SNAPC1: variants seen among roughly 807,000 people sequenced by gnomAD.
SNAPC1 encodes small nuclear RNA activating complex polypeptide 1.
In SNAPC1, 42 loss-of-function variants were observed where a neutral mutation model predicts 50.1. The ratio of observed to expected loss-of-function variants is 0.84; its 90% CI spans 0.65 to 1.08. The LOEUF (loss-of-function observed/expected upper bound fraction) is 1.08, where lower values mean the gene tolerates loss of function less well. SNAPC1 is among the 50% of genes least tolerant of loss of function. The probability of loss-of-function intolerance (pLI) is 0.00; values close to 1 mark genes in which losing one functional copy is unlikely to be tolerated. For missense variants in SNAPC1, 477 were observed against 427.3 expected, an observed-to-expected ratio of 1.12 and a Z score of -1.02; for synonymous variants, 164 against 144.2, an observed-to-expected ratio of 1.14 and a Z score of -0.98.
chr14:61,771,201 TTG>T (rs1320009607), intron 4 of SNAPC1, among the ~76,000 whole-genome samples: 2 of 152,232 alleles, frequency 1.3e-5, no homozygotes, highest in African/African-American at 4.8e-5. Flanking sequence ...GGAAAATATT[TTG>T]TGTAGATTGT....
At chr14:61,775,496 C>T (rs1263458823) in intron 4 of SNAPC1, among the ~76,000 whole-genome samples, 3 of 151,972 alleles carry the variant, frequency 2.0e-5, no homozygotes, top group African/African-American at 7.3e-5. Context: ...TCTGGTGATT[C>T]TCCCACCTTG....
chr14:61,773,397 GTTTTTTTT>G (rs58782943), intron 4 of SNAPC1, among the ~76,000 whole-genome samples: 1 of 99,324 alleles, frequency 1.0e-5, no homozygotes, highest in Non-Finnish European at 1.9e-5. Flanking sequence ...TATTTCCTTA[GTTTTTTTT>G]TTTTTTTTTT....
At chr14:61,789,947 G>C (rs1251237559) in intron 8 of SNAPC1, among the ~76,000 whole-genome samples, 1 of 152,154 alleles carries the variant, frequency 6.6e-6, no homozygotes, top group Non-Finnish European at 1.5e-5. Flanking sequence ...AGATTTAGGA[G>C]TAACGAGCGT....
chr14:61,774,933 G>T (rs1033590679), intron 4 of SNAPC1, among the ~76,000 whole-genome samples: 1 of 152,050 alleles, frequency 6.6e-6, no homozygotes, highest in Non-Finnish European at 1.5e-5. Context: ...AGAGTGCTGG[G>T]ATTACAGGAG....
At chr14:61,782,828 C>T (rs1454744232) in intron 8 of SNAPC1, among the ~76,000 whole-genome samples, 1 of 151,920 alleles carries the variant, frequency 6.6e-6, no homozygotes, top group Non-Finnish European at 1.5e-5. Flanking sequence ...ATTGCTTGAA[C>T]CTGGAAGGCA....
chr14:61,767,246 T>A lies in SNAPC1; in HGVS notation c.323T>A (p.Leu108Ter). The A allele has an allele frequency of 6.6e-7, 1 of 1,516,366 alleles. No homozygotes were observed. Among genetic ancestry groups the A allele is most frequent in the Non-Finnish European group, 8.8e-7 (1 of 1,130,848 alleles). 93.9% of individuals were successfully genotyped at this position (1,516,366 alleles called of 1,614,324 possible). The change falls in exon 3 of 10, where the codon TTA becomes TAA. Residue 108 changes from leucine (L) to a stop codon, truncating the protein, a stop_gained. Transcript: ENST00000216294. LOFTEE classifies it high-confidence loss of function. ...GCCCTGAAGGATTGGGATGAAGTTTTAAAATTTCAGCAAGATTTAGTAAAT... is the reference window on the plus strand; with the variant it reads ...GCCCTGAAGGATTGGGATGAAGTTTAAAAATTTCAGCAAGATTTAGTAAAT... ...RVALKDWDEV[L>*]KFQQDLVNAQ...
intron 7 of SNAPC1, among the ~76,000 whole-genome samples, chr14:61,781,028 A>G (rs190891004): frequency 2.6e-5 from 4 of 152,318 alleles, no homozygotes; most frequent in Non-Finnish European, 5.9e-5. Context: ...GAGGAAGTGC[A>G]TAGGTTATAT....
intron 4 of SNAPC1, among the ~76,000 whole-genome samples, chr14:61,775,734 T>C (rs1395544185): frequency 1.3e-5 from 2 of 152,122 alleles, no homozygotes; most frequent in Admixed American, 6.5e-5. Context: ...TATAAAAATA[T>C]CTTAGTTATC....
intron 1 of SNAPC1, among the ~76,000 whole-genome samples, chr14:61,765,251 A>G (rs767783622): frequency 4.6e-5 from 7 of 152,176 alleles, no homozygotes; most frequent in Non-Finnish European, 8.8e-5. Context: ...TTTATTCATT[A>G]TGCTGTTTAT....
At chr14:61,762,767 T>G (rs543081709) in intron 1 of SNAPC1, among the ~76,000 whole-genome samples, 179 bp downstream of exon 1, 2 of 152,064 alleles carry the variant, frequency 1.3e-5, no homozygotes, top group Non-Finnish European at 1.5e-5. Flanking sequence ...CTGCTCTATT[T>G]CATTGTGCCC....
rs2044966406 is a variant in SNAPC1 at position 61,768,669 on chromosome 14, G to T, written c.463G>T (p.Ala155Ser). The change falls in exon 4 of 10, where the codon GCT (alanine) becomes TCT (serine). Residue 155 changes from alanine (A) to serine (S), a missense_variant. Transcript: ENST00000216294. ...TAGGATGAAGAAAAAAATTCACCGA[G>T]CTGAAGTTACAGAAGAATTTAAGGA... ...SYRMKKKIHR[A>S]EVTEEFKDPS... is the part of the protein sequence containing the mutation. 1.2e-6 allele frequency: 2 copies of T among 1,610,690 alleles called. No individual in the cohort carries two copies. Among genetic ancestry groups the T allele is most frequent in the African/African-American group, 2.7e-5 (2 of 74,854 alleles).
chr14:61,774,003 A>C (rs1386651862), intron 4 of SNAPC1, among the ~76,000 whole-genome samples: 1 of 152,136 alleles, frequency 6.6e-6, no homozygotes, highest in Non-Finnish European at 1.5e-5. Flanking sequence ...GCCATCGTGC[A>C]CGGCCCCCAG....
intron 8 of SNAPC1, among the ~76,000 whole-genome samples, chr14:61,783,166 G>C (rs919047983): frequency 6.6e-6 from 1 of 151,380 alleles, no homozygotes; most frequent in Non-Finnish European, 1.5e-5. Flanking sequence ...GGGACTACAG[G>C]CACCTGCCAC....
chr14:61,769,765 AT>A (rs1445153779), intron 4 of SNAPC1, among the ~76,000 whole-genome samples: 2 of 152,058 alleles, frequency 1.3e-5, no homozygotes, highest in African/African-American at 4.8e-5. Context: ...TTGATAATAT[AT>A]TTTCGTATTT....
rs2045020519 is a variant in SNAPC1, at chr14:61,774,647, CATTTTTTTT to C, written c.535-1447_535-1439del. Among the ~76,000 whole-genome samples the C allele has an allele frequency of 4.6e-5, 4 of 87,802 alleles. No individual in the cohort carries two copies. The South Asian group carries it at 1.6e-3, about 34-fold the overall frequency. 57.6% of individuals were successfully genotyped at this position (87,802 alleles called of 152,430 possible). ...CACTCACCACTATTGATCAGTTTCT[CATTTTTTTT>C]TTTTTTTTTTTTTTTTTTTTTTGAG... On this transcript the variant is annotated intron_variant, in intron 4 of 9. Coordinates refer to ENST00000216294, the MANE Select transcript of SNAPC1 (RefSeq NM_003082.4).
At chr14:61,769,783 A>G (rs2044974805) in intron 4 of SNAPC1, among the ~76,000 whole-genome samples, 1 of 152,160 alleles carries the variant, frequency 6.6e-6, no homozygotes, top group Admixed American at 6.5e-5. Context: ...ATTTTGTTTG[A>G]GTGTACAGTA....
chr14:61,782,709 A>T (rs975996941), intron 8 of SNAPC1, among the ~76,000 whole-genome samples: 2 of 152,162 alleles, frequency 1.3e-5, no homozygotes, highest in African/African-American at 4.8e-5. Flanking sequence ...CAGGAGTTCA[A>T]GTCCAGCCTG....
chr14:61,794,640 C>T (rs2045175716), intron 9 of SNAPC1, among the ~76,000 whole-genome samples: 1 of 152,136 alleles, frequency 6.6e-6, no homozygotes, highest in Non-Finnish European at 1.5e-5. Flanking sequence ...GATCCCCTGA[C>T]CTCATGATTC....
At chr14:61,793,559 T>C (rs1489993088) in intron 9 of SNAPC1, among the ~76,000 whole-genome samples, 1 of 151,988 alleles carries the variant, frequency 6.6e-6, no homozygotes, top group African/African-American at 2.4e-5. Context: ...TTTGTTTTCA[T>C]CTTAATTTGT....
Sources: gnomAD v4.1 joint callset for allele counts (sites outside exome capture counted in the v4.1 genomes callset) on GRCh38, gnomAD v4.1.1 for gene constraint, MANE v1.5 for transcripts, NCBI Gene and HGNC (gene_info 2026-07-23, HGNC 2026-07-21) for gene names.